The following ATRX variants were observed in gnomAD, a reference collection of about 807,000 sequenced individuals.
ATRX encodes ATRX chromatin remodeler.
In ATRX, 12 loss-of-function variants were observed where a neutral mutation model predicts 172.6. The ratio of observed to expected loss-of-function variants is 0.07; its 90% CI spans 0.04 to 0.11. The LOEUF is 0.11. Among genes scored for constraint, ATRX ranks in the 10% least tolerant of loss-of-function variants. The pLI, the probability that ATRX is intolerant of heterozygous loss-of-function variation, is 1.00. For missense variants in ATRX, 1,368 were observed against 1,767.4 expected, an observed-to-expected ratio of 0.77 and a Z score of 4.05; for synonymous variants, 674 against 594.7, an observed-to-expected ratio of 1.13 and a Z score of -1.94.
chrX:77,737,435 A>AGGGGGGG (rs1210379916), intron 1 of ATRX, among the ~76,000 whole-genome samples: 5 of 39,163 alleles, frequency 1.3e-4, no homozygotes, highest in African/African-American at 4.3e-4. Flanking sequence ...AAAAAAAAAA[A>AGGGGGGG]GGGGGGGGGG....
At position 77,507,012 on chromosome X, in the gene ATRX, T is replaced by C. The variant is rs1175156913; in HGVS notation, c.*1339A>G. 1 of 156,623 alleles carries C rather than the reference T, an allele frequency of 6.4e-6. No homozygotes were observed. Among genetic ancestry groups the C allele is most frequent in the African/African-American group, 3.3e-5 (1 of 30,471 alleles). 12.9% of individuals were successfully genotyped at this position (156,623 alleles called of 1,213,427 possible). On this transcript the variant is annotated 3_prime_UTR_variant, in exon 35 of 35. Coordinates refer to ENST00000373344, the MANE Select transcript of ATRX (RefSeq NM_000489.6). Reference sequence around the variant, plus strand: ...AGTTGACTCCCATAGTCAAAAACAATGTTTTCTTTAACAATTCAAGTAACC... The same window carrying C: ...AGTTGACTCCCATAGTCAAAAACAACGTTTTCTTTAACAATTCAAGTAACC...
intron 30 of ATRX, among the ~76,000 whole-genome samples, chrX:77,537,799 G>A (rs2063805808): frequency 9.0e-6 from 1 of 111,619 alleles, no homozygotes; most frequent in South Asian, 3.7e-4. Context: ...TAGATATATG[G>A]CTGTCATAAC....
At chrX:77,763,548 G>A (rs1557193968) in intron 1 of ATRX, among the ~76,000 whole-genome samples, 1 of 106,256 alleles carries the variant, frequency 9.4e-6, no homozygotes, top group Non-Finnish European at 1.9e-5. Context: ...TCGGCTCACT[G>A]CAACCTCCGC....
chrX:77,703,575 T>G (rs1371548041), intron 2 of ATRX, among the ~76,000 whole-genome samples: 1 of 112,355 alleles, frequency 8.9e-6, no homozygotes, highest in Non-Finnish European at 1.9e-5. Context: ...AGCCCTGGCT[T>G]GGGGAGCTCC....
intron 34 of ATRX, among the ~76,000 whole-genome samples, chrX:77,511,430 C>G (rs782340795): frequency 9.0e-6 from 1 of 111,532 alleles, no homozygotes; most frequent in South Asian, 3.8e-4. Context: ...CCATCAAGAC[C>G]ATCCAGGAAA....
intron 10 of ATRX, among the ~76,000 whole-genome samples, chrX:77,670,063 C>T (rs1334699791): frequency 5.4e-5 from 6 of 111,480 alleles, no homozygotes; most frequent in African/African-American, 1.3e-4. Flanking sequence ...CTAAAATGCA[C>T]GATAGGTCAT....
Position 77,683,001 on chromosome X carries a change from G to A in ATRX, c.2255C>T (p.Thr752Ile), listed in dbSNP as rs1557140024. ...SRMSHSSSSDTDINEIHTNHK... is the reference protein window; with the variant it reads ...SRMSHSSSSDIDINEIHTNHK... ...GTTTGTATGAATTTCATTAATATCAGTATCTGAAGAAGAACTGTGACTCAT... is the reference window on the plus strand; with the variant it reads ...GTTTGTATGAATTTCATTAATATCAATATCTGAAGAAGAACTGTGACTCAT... The change falls in exon 9 of 35, where the codon ACT becomes ATT. Residue 752 changes from threonine to isoleucine, a missense_variant. Thr to Ile is a moderately conservative substitution (Grantham distance 89). This residue lies in a region of ATRX where 843 missense variants were observed against 643.1 expected (regional missense o/e 1.31). Coordinates refer to ENST00000373344, the MANE Select transcript of ATRX (RefSeq NM_000489.6). 4 of 1,210,283 alleles carry A rather than the reference G, an allele frequency of 3.3e-6. No homozygotes were observed. Among genetic ancestry groups the A allele is most frequent in the Admixed American group, 4.4e-5 (2 of 45,937 alleles).
chrX:77,684,182 T>C lies in ATRX; in HGVS notation c.1074A>G (p.Lys358=). ...VPKEMIKKAK[K]LIETTANMNS... is the part of the protein sequence containing the mutation. ...TCATGTTGGCTGTGGTCTCAATCAGTTTTTTTGCCTTCTTAATCATCTCTT... is the reference window on the plus strand; with the variant it reads ...TCATGTTGGCTGTGGTCTCAATCAGCTTTTTTGCCTTCTTAATCATCTCTT... The change falls in exon 9 of 35, where the codon AAA becomes AAG. Residue 358 remains lysine, a synonymous_variant. Transcript: ENST00000373344. 5.0e-6 allele frequency: 6 copies of C among 1,209,775 alleles called. No individual in the cohort carries two copies. Among genetic ancestry groups the C allele is most frequent in the Non-Finnish European group, 6.7e-6 (6 of 894,604 alleles).
chrX:77,656,547 C>T lies in ATRX; in HGVS notation c.4214+13G>A. Reference sequence around the variant, plus strand: ...ATTAATTCCTAAAATTTTTTAAAAACCAATTATAATACCTTGTTCTGGGCC... The same window carrying T: ...ATTAATTCCTAAAATTTTTTAAAAATCAATTATAATACCTTGTTCTGGGCC... On this transcript the variant is annotated intron_variant, in intron 13 of 34. Coordinates refer to ENST00000373344, the MANE Select transcript of ATRX (RefSeq NM_000489.6). 2.5e-6 allele frequency: 3 copies of T among 1,197,856 alleles called. No homozygotes were observed. The highest frequency in any genetic ancestry group is 3.4e-6 in the Non-Finnish European group (3 of 884,457).
intron 1 of ATRX, among the ~76,000 whole-genome samples, chrX:77,750,306 G>A (rs905861364): frequency 1.8e-5 from 2 of 111,124 alleles, no homozygotes; most frequent in East Asian, 2.8e-4. Context: ...AACTTATCCC[G>A]TGTGAATAAG....
chrX:77,607,185 A>C (rs895202941), intron 22 of ATRX, among the ~76,000 whole-genome samples: 4 of 111,990 alleles, frequency 3.6e-5, no homozygotes, highest in Non-Finnish European at 5.6e-5. Context: ...GGAAAGGAAG[A>C]AGTCAAATTA....
At chrX:77,509,513 GAAAGAGGCACT>G (rs1557035406) in intron 34 of ATRX, among the ~76,000 whole-genome samples, 1 of 111,923 alleles carries the variant, frequency 8.9e-6, no homozygotes, top group African/African-American at 3.3e-5. Flanking sequence ...TCATATCACT[GAAAGAGGCACT>G]AAAGGGGGTA....
At chrX:77,753,279 T>C (rs1480769575) in intron 1 of ATRX, among the ~76,000 whole-genome samples, 8 of 111,881 alleles carry the variant, frequency 7.2e-5, no homozygotes, top group Admixed American at 3.8e-4. Flanking sequence ...TATTATCTGA[T>C]GGTAGTCTGT....
At chrX:77,576,743 G>A (rs45470104) in intron 27 of ATRX, among the ~76,000 whole-genome samples, 28 of 111,351 alleles carry the variant, frequency 2.5e-4, no homozygotes, top group African/African-American at 7.2e-4. Context: ...GGGAAGCCCC[G>A]TGGAGTTATC....
intron 1 of ATRX, among the ~76,000 whole-genome samples, chrX:77,745,419 G>A (rs2075030704): frequency 9.0e-6 from 1 of 111,321 alleles, no homozygotes; most frequent in South Asian, 3.7e-4. Flanking sequence ...AAAAAAGTAT[G>A]AGATCCTGTC....
intron 1 of ATRX, among the ~76,000 whole-genome samples, chrX:77,770,314 C>T (rs1380415733): frequency 9.1e-6 from 1 of 109,523 alleles, no homozygotes; most frequent in Admixed American, 9.8e-5. Context: ...ATTGGTCAGA[C>T]TGGTCTCAAA....
intron 1 of ATRX, among the ~76,000 whole-genome samples, chrX:77,747,427 G>A (rs782346071): frequency 4.0e-4 from 44 of 110,455 alleles, no homozygotes; most frequent in African/African-American, 1.3e-3. Context: ...GGGAGGCTGA[G>A]GCATAAGAAT....
intron 1 of ATRX, among the ~76,000 whole-genome samples, chrX:77,772,326 GT>G (rs1261697851): frequency 9.6e-6 from 1 of 104,215 alleles, no homozygotes; most frequent in Non-Finnish European, 2.0e-5. Flanking sequence ...AAAAAAAAAA[GT>G]GTTTATCAAA....
At chrX:77,654,829 T>G (rs919201527) in intron 13 of ATRX, among the ~76,000 whole-genome samples, 1 of 112,114 alleles carries the variant, frequency 8.9e-6, no homozygotes, top group Admixed American at 9.4e-5. Flanking sequence ...AGCAAGGACT[T>G]GAAGAGATAT....
Sources: gnomAD v4.1 joint callset for allele counts (sites outside exome capture counted in the v4.1 genomes callset) on GRCh38, gnomAD v4.1.1 for gene constraint, gnomAD v4.1.1 regional missense constraint, MANE v1.5 for transcripts, NCBI Gene and HGNC (gene_info 2026-07-23, HGNC 2026-07-21) for gene names.